PYROXD2: variants seen among roughly 807,000 people sequenced by gnomAD.
The protein encoded by PYROXD2 is pyridine nucleotide-disulphide oxidoreductase domain 2, also known as pyridine nucleotide-disulfide oxidoreductase domain-containing protein 2.
A neutral mutation model predicts 71.1 loss-of-function variants in PYROXD2; 69 were observed. The ratio of observed to expected loss-of-function variants is 0.97; its 90% CI spans 0.80 to 1.19. The LOEUF is 1.19. Ranked by LOEUF, PYROXD2 falls within the 50% of genes most tolerant of loss-of-function variation. PYROXD2 has a pLI of 0.00. For missense variants in PYROXD2, 745 were observed against 748.9 expected (o/e 0.99, Z 0.06); for synonymous variants, 287 against 302.7 (o/e 0.95, Z 0.54).
chr10:98,408,048 C>T, intron 2 of PYROXD2, 51 bp from the exon 3 acceptor site: 1 of 1,542,634 alleles, frequency 6.5e-7, no homozygotes, highest in Non-Finnish European at 8.8e-7. Flanking sequence ...TCTGAAATGT[C>T]AGGGCTCCCT....
rs887128082 is a variant in PYROXD2 at position 98,383,981 on chromosome 10, G to A, written c.1676-113C>T. On this transcript the variant is annotated intron_variant, in intron 15 of 15. Transcript: ENST00000370575. ...AAAGCAGAGTGGGGCTGGTTAGAGGGGTCCGGGGGCATGGGCACTGGAATC... is the reference window on the plus strand; with the variant it reads ...AAAGCAGAGTGGGGCTGGTTAGAGGAGTCCGGGGGCATGGGCACTGGAATC... 6.6e-6 allele frequency: 6 copies of A among 909,424 alleles called. No homozygotes were observed. In the South Asian group the frequency reaches 6.7e-5, roughly 10 times the overall value. 56.3% of individuals were successfully genotyped at this position (909,424 alleles called of 1,614,324 possible). A position where few individuals can be genotyped will look rare whatever the true frequency, so the allele number is the denominator to read the frequency against.
At chr10:98,411,272 C>T (rs61124254) in intron 1 of PYROXD2, 12 of 385,516 alleles carry the variant, frequency 3.1e-5, no homozygotes, top group African/African-American at 6.2e-5. Flanking sequence ...GCTTGGGAGG[C>T]GCAAGTGATG....
At chr10:98,402,117 AT>A (rs2135997776) in intron 4 of PYROXD2, among the ~76,000 whole-genome samples, 1 of 152,226 alleles carries the variant, frequency 6.6e-6, no homozygotes, top group Admixed American at 6.5e-5. Flanking sequence ...GGGGACGGGA[AT>A]TTTTTCAGCT....
chr10:98,384,433 C>A (rs1203567077), intron 15 of PYROXD2, among the ~76,000 whole-genome samples: 1 of 152,076 alleles, frequency 6.6e-6, no homozygotes, highest in Non-Finnish European at 1.5e-5. Context: ...GCCCGGGCAA[C>A]CTAACAAAAC....
intron 8 of PYROXD2, 60 bp downstream of exon 8, chr10:98,395,136 C>G (rs1843117225): frequency 1.4e-6 from 2 of 1,440,226 alleles, no homozygotes; most frequent in African/African-American, 2.8e-5. Context: ...CCACTGTTGT[C>G]CTCACTCCTG....
intron 13 of PYROXD2, chr10:98,387,726 G>A (rs573962224): frequency 1.6e-4 from 26 of 167,334 alleles, no homozygotes; most frequent in Non-Finnish European, 2.9e-4. Flanking sequence ...TCCGCCTCTG[G>A]GTTCAAACGA....
At position 98,400,129 on chromosome 10, in the gene PYROXD2, G is replaced by A. The variant is rs368798136; in HGVS notation, c.444C>T (p.Ile148=). The change falls in exon 5 of 16, where the codon ATC becomes ATT. Residue 148 remains isoleucine (I), a synonymous_variant. Coordinates refer to ENST00000370575, the MANE Select transcript of PYROXD2 (RefSeq NM_032709.3). ...GGGCATCCTTCTGGGAGAACTGGGC[G>A]ATCTGCTTCTGGTTTTCTGCCATGT... The part of the protein sequence containing the change: ...GTDMAENQKQ[I]AQFSQKDAQV... 7.4e-6 allele frequency: 12 copies of A among 1,613,592 alleles called. No homozygotes were observed. The highest frequency in any genetic ancestry group is 2.2e-5 in the East Asian group (1 of 44,886).
intron 6 of PYROXD2, among the ~76,000 whole-genome samples, chr10:98,396,006 A>G (rs1203694267): frequency 1.3e-5 from 2 of 152,144 alleles, no homozygotes; most frequent in Admixed American, 1.3e-4. Flanking sequence ...GTTGCTCAAT[A>G]AATGTTTTTT....
chr10:98,415,030 C>T lies in PYROXD2; in HGVS notation c.106G>A (p.Asp36Asn). 1 of 1,613,822 alleles carries T rather than the reference C, an allele frequency of 6.2e-7. No homozygotes were observed. Among genetic ancestry groups the T allele is most frequent in the Non-Finnish European group, 8.5e-7 (1 of 1,179,830 alleles). ...EARGGLKPEY[D>N]AVVIGAGHNG... The stretch of plus-strand genomic sequence containing the variant: ...TTACCTGCTCCTATCACCACCGCAT[C>T]ATACTCAGGCTTCAGACCTCCCCTG... Residue 36 changes from aspartate (D) to asparagine (N), a missense_variant, in exon 1 of 16, where the codon GAT becomes AAT. By Grantham distance (23) the Asp-to-Asn change is conservative. Coordinates refer to ENST00000370575, the MANE Select transcript of PYROXD2 (RefSeq NM_032709.3).
chr10:98,386,401 T>A (rs1841562901), intron 14 of PYROXD2, among the ~76,000 whole-genome samples: 1 of 151,776 alleles, frequency 6.6e-6, no homozygotes, highest in South Asian at 2.1e-4. Flanking sequence ...TAATATATTT[T>A]ATTTAGCCCA....
chr10:98,397,426 C>T lies in PYROXD2; in HGVS notation c.544G>A (p.Val182Met), dbSNP rs774013617. 2.5e-5 allele frequency: 40 copies of T among 1,613,278 alleles called. No individual in the cohort carries two copies. The highest frequency in any genetic ancestry group is 1.6e-4 in the East Asian group (7 of 44,850). ...CCATGCTGGAAGGCCGCCATGTCCA[C>T]GGGGGCCGCATCCAGCAGAGGGTCA... ...AIDPLLDAAP[V>M]DMAAFQHGSL... The change falls in exon 6 of 16, where the codon GTG becomes ATG. Residue 182 changes from valine (V) to methionine (M), a missense_variant. By Grantham distance (21) the Val-to-Met change is conservative. Transcript: ENST00000370575.
rs997818179 is a variant in PYROXD2, at chr10:98,400,398, AAT to A, written c.316-143_316-142del. 5 of 788,330 alleles carry A rather than the reference AAT, an allele frequency of 6.3e-6. No homozygotes were observed. In the African/African-American group the frequency reaches 8.7e-5, roughly 14 times the overall value. 48.8% of individuals were successfully genotyped at this position (788,330 alleles called of 1,614,324 possible). ...GTATGGTCCTGGTGTCTGTTTTTTA[AAT>A]ATAAGTTTATAAAAAGCCCTCTTGC... On this transcript the variant is annotated intron_variant, in intron 4 of 15. Transcript: ENST00000370575.
At chr10:98,410,087 T>TTAAAA (rs111314715) in intron 2 of PYROXD2, among the ~76,000 whole-genome samples, 21 of 151,472 alleles carry the variant, frequency 1.4e-4, no homozygotes, top group Admixed American at 6.6e-5. Flanking sequence ...TCAAAAAAAA[T>TTAAAA]TAAAATAAAA....
intron 8 of PYROXD2, among the ~76,000 whole-genome samples, chr10:98,394,071 T>C (rs1843052576): frequency 6.6e-6 from 1 of 152,164 alleles, no homozygotes; most frequent in Non-Finnish European, 1.5e-5. Flanking sequence ...TCCCGGCTGC[T>C]CCTCCTAGCA....
chr10:98,391,325 G>A (rs545891653), intron 10 of PYROXD2, among the ~76,000 whole-genome samples: 22 of 152,242 alleles, frequency 1.4e-4, no homozygotes, highest in Admixed American at 9.8e-4. Flanking sequence ...ACCTCTCCCT[G>A]CTTGCAAAGG....
chr10:98,395,539 T>G (rs11189591), intron 6 of PYROXD2, 87 bp from the exon 7 acceptor site: 462,266 of 1,185,538 alleles, frequency 0.39, 93,819 homozygotes, highest in Admixed American at 0.53. Flanking sequence ...GCATGGAGGA[T>G]GCTGAGACTT....
intron 12 of PYROXD2, among the ~76,000 whole-genome samples, chr10:98,390,238 C>T (rs548372159): frequency 1.6e-4 from 24 of 152,304 alleles, no homozygotes; most frequent in South Asian, 4.1e-4. Flanking sequence ...AGAAAGGCTA[C>T]GGAGCAGGGG....
intron 12 of PYROXD2, among the ~76,000 whole-genome samples, 196 bp from the exon 13 acceptor site, chr10:98,388,704 C>T (rs1242460741): frequency 2.6e-5 from 4 of 151,812 alleles, no homozygotes; most frequent in Non-Finnish European, 4.4e-5. Flanking sequence ...GTGAGGAGCT[C>T]GCCTGACCCC....
At chr10:98,388,586 C>G in intron 12 of PYROXD2, 78 bp from the exon 13 acceptor site, 2 of 1,389,780 alleles carry the variant, frequency 1.4e-6, no homozygotes, top group East Asian at 5.1e-5. Flanking sequence ...ACTTGGGACA[C>G]AGTGGAGGCC....
Sources: allele counts gnomAD v4.1 joint callset (sites outside exome capture counted in the v4.1 genomes callset), GRCh38; gene constraint gnomAD v4.1.1; transcripts MANE v1.5; gene names NCBI Gene and HGNC (gene_info 2026-07-23, HGNC 2026-07-21).